Variants in NTM observed in about 807,000 individuals in gnomAD.
NTM encodes IgLON family member 2.
Under a neutral mutation model 42.1 loss-of-function variants are expected in NTM, and 13 were observed. That is an observed-to-expected ratio of 0.31 (90% CI 0.20 to 0.49). The LOEUF (loss-of-function observed/expected upper bound fraction) is 0.49. Ranked by LOEUF, NTM falls within the 20% of genes least tolerant of loss-of-function variation. The pLI is 0.99. For synonymous variants in NTM, 187 were observed against 179.2 expected (o/e 1.04, Z -0.35); for missense variants, 373 against 452.8 (o/e 0.82, Z 1.60).
chr11:132,082,394 A>C (rs2059190913), intron 2 of NTM, among the ~76,000 whole-genome samples: 1 of 152,224 alleles, frequency 6.6e-6, no homozygotes, highest in African/African-American at 2.4e-5. Flanking sequence ...TCCTCCCAGC[A>C]TAAGGCATGA....
intron 2 of NTM, among the ~76,000 whole-genome samples, chr11:132,060,426 G>A (rs1594224566): frequency 7.9e-6 from 1 of 126,634 alleles, no homozygotes; most frequent in Non-Finnish European, 1.9e-5. Flanking sequence ...TTGTTACTGC[G>A]CTATGAACAG....
chr11:132,023,992 T>G (rs2074796551), intron 2 of NTM, among the ~76,000 whole-genome samples: 1 of 152,028 alleles, frequency 6.6e-6, no homozygotes, highest in African/African-American at 2.4e-5. Context: ...CTAATTTTTT[T>G]GTATTTTTAG....
chr11:132,209,657 C>T (rs1289690527), intron 3 of NTM, among the ~76,000 whole-genome samples: 1 of 152,202 alleles, frequency 6.6e-6, no homozygotes. Flanking sequence ...GGAGACACTA[C>T]AGTGCTGTGG....
At chr11:131,447,922 C>T (rs920129325) in intron 1 of NTM, among the ~76,000 whole-genome samples, 2 of 152,194 alleles carry the variant, frequency 1.3e-5, no homozygotes, top group East Asian at 1.9e-4. Flanking sequence ...TCCACTTCCT[C>T]GCCTTGTACT....
chr11:131,919,999 G>T (rs1000339962), intron 2 of NTM, among the ~76,000 whole-genome samples: 7 of 152,164 alleles, frequency 4.6e-5, no homozygotes, highest in Non-Finnish European at 1.0e-4. Context: ...TTCTGAGAGG[G>T]AGCGAGAAGA....
At chr11:131,500,070 G>A (rs1025755739) in intron 1 of NTM, among the ~76,000 whole-genome samples, 1 of 152,198 alleles carries the variant, frequency 6.6e-6, no homozygotes, top group South Asian at 2.1e-4. Flanking sequence ...CTAGGTCTCA[G>A]GCTGTATGGA....
At chr11:131,904,781 C>T (rs985048811) in intron 1 of NTM, among the ~76,000 whole-genome samples, 1 of 152,264 alleles carries the variant, frequency 6.6e-6, no homozygotes, top group African/African-American at 2.4e-5. Flanking sequence ...GAGAAAGCTG[C>T]CTCCTCTTTT....
chr11:131,887,739 T>C lies in NTM; in HGVS notation c.83-23825T>C, dbSNP rs2050631558. On this transcript the variant is annotated intron_variant, in intron 1 of 8. Transcript: ENST00000683400. ...CACATCTATCTTCCCCATTAAGTTA[T>C]GAGCCACCAGAATGCAAGCACAGGA... Among the ~76,000 whole-genome samples, 3 of 152,236 alleles carry C rather than the reference T, an allele frequency of 2.0e-5. No homozygotes were observed. In the South Asian group the frequency reaches 6.2e-4, roughly 31 times the overall value.
chr11:131,423,514 G>C (rs1947745679), intron 1 of NTM, among the ~76,000 whole-genome samples: 1 of 152,194 alleles, frequency 6.6e-6, no homozygotes, highest in Non-Finnish European at 1.5e-5. Context: ...CTCTACTAGT[G>C]TGTGTAGTTC....
At chr11:131,438,588 G>A (rs1949341718) in intron 1 of NTM, among the ~76,000 whole-genome samples, 1 of 152,036 alleles carries the variant, frequency 6.6e-6, no homozygotes, top group South Asian at 2.1e-4. Flanking sequence ...GTTGAAGTTT[G>A]TGCATGTGTC....
At chr11:131,961,026 A>G (rs555609297) in intron 2 of NTM, among the ~76,000 whole-genome samples, 20 of 152,292 alleles carry the variant, frequency 1.3e-4, no homozygotes, top group South Asian at 4.2e-4. Context: ...GAGCATGTCA[A>G]TCCAACAAGA....
At chr11:131,815,185 C>A (rs1242994974) in intron 1 of NTM, among the ~76,000 whole-genome samples, 2 of 152,172 alleles carry the variant, frequency 1.3e-5, no homozygotes, top group Non-Finnish European at 2.9e-5. Flanking sequence ...CCCCTTGCGG[C>A]CTATGGCTGT....
intron 1 of NTM, among the ~76,000 whole-genome samples, chr11:131,525,493 A>C (rs2050348231): frequency 6.6e-6 from 1 of 152,208 alleles, no homozygotes; most frequent in Non-Finnish European, 1.5e-5. Flanking sequence ...AGCATTTAGC[A>C]CAGTCGGGGT....
intron 7 of NTM, among the ~76,000 whole-genome samples, chr11:132,315,427 G>A (rs1201385891): frequency 2.0e-5 from 3 of 152,300 alleles, no homozygotes; most frequent in Admixed American, 6.5e-5. Context: ...ATCCCTTGAT[G>A]AACGCAGATT....
intron 1 of NTM, among the ~76,000 whole-genome samples, chr11:131,408,948 C>T (rs184387806): frequency 2.0e-5 from 3 of 152,278 alleles, no homozygotes; most frequent in Non-Finnish European, 2.9e-5. Context: ...TCAGAAACTA[C>T]CTTTGGAGAA....
chr11:131,644,136 T>C (rs1292321955), intron 1 of NTM, among the ~76,000 whole-genome samples: 1 of 152,096 alleles, frequency 6.6e-6, no homozygotes, highest in Non-Finnish European at 1.5e-5. Flanking sequence ...CCCAAGAGAT[T>C]CCTTCCCTTC....
chr11:132,273,280 T>C (rs1489861509), intron 4 of NTM, among the ~76,000 whole-genome samples: 1 of 151,594 alleles, frequency 6.6e-6, no homozygotes, highest in African/African-American at 2.4e-5. Flanking sequence ...GTAATCATTT[T>C]TATTTGTTGC....
At chr11:131,957,095 A>G (rs2061636744) in intron 2 of NTM, among the ~76,000 whole-genome samples, 1 of 152,234 alleles carries the variant, frequency 6.6e-6, no homozygotes, top group African/African-American at 2.4e-5. Flanking sequence ...CTCCAAGGTC[A>G]TGTAAACTAC....
chr11:132,317,954 C>G (rs972168273), intron 7 of NTM, among the ~76,000 whole-genome samples: 3 of 152,182 alleles, frequency 2.0e-5, no homozygotes, highest in African/African-American at 7.2e-5. Flanking sequence ...GCCCAGGGAT[C>G]AGCACAAAGG....
Sources: gnomAD v4.1 joint callset for allele counts (sites outside exome capture counted in the v4.1 genomes callset) on GRCh38, gnomAD v4.1.1 for gene constraint, MANE v1.5 for transcripts, NCBI Gene and HGNC (gene_info 2026-07-23, HGNC 2026-07-21) for gene names.